PPM1G: variants seen among roughly 807,000 people sequenced by gnomAD.
PPM1G encodes protein phosphatase 1G.
In PPM1G, 12 loss-of-function variants were observed where a neutral mutation model predicts 59.4. That is an observed-to-expected ratio of 0.20 (90% confidence interval 0.13 to 0.33). PPM1G has a LOEUF of 0.33. PPM1G is among the 10% of genes least tolerant of loss of function. The probability of loss-of-function intolerance (pLI) is 1.00; values close to 1 mark genes in which losing one functional copy is unlikely to be tolerated. For missense variants in PPM1G, 392 were observed against 681.3 expected (o/e 0.58, Z 4.73); for synonymous variants, 245 against 251.9 (o/e 0.97, Z 0.26).
chr2:27,394,562 C>A (rs746845955), intron 1 of PPM1G, among the ~76,000 whole-genome samples: 19 of 151,826 alleles, frequency 1.3e-4, no homozygotes, highest in Non-Finnish European at 2.5e-4. Context: ...AACCCCATCT[C>A]TACTAAAAAT....
chr2:27,409,227 G>T (rs552143391), intron 1 of PPM1G, 76 bp downstream of exon 1: 5 of 1,490,226 alleles, frequency 3.4e-6, no homozygotes, highest in Non-Finnish European at 2.7e-6. Context: ...CCCAGGGGAG[G>T]ACCCCATCCC....
intron 1 of PPM1G, among the ~76,000 whole-genome samples, chr2:27,407,201 G>A (rs1663402717): frequency 6.6e-6 from 1 of 151,902 alleles, no homozygotes; most frequent in Non-Finnish European, 1.5e-5. Context: ...CCTAAGCTCA[G>A]GCAATCCGCC....
intron 1 of PPM1G, among the ~76,000 whole-genome samples, chr2:27,394,139 C>T (rs1237158226): frequency 3.9e-5 from 6 of 151,958 alleles, no homozygotes; most frequent in African/African-American, 1.2e-4. Context: ...TCAGGTGATC[C>T]GCCTGCCTCG....
chr2:27,393,136 C>T (rs1490736529), intron 1 of PPM1G: 1 of 1,372,798 alleles, frequency 7.3e-7, no homozygotes, highest in Non-Finnish European at 1.0e-6. Flanking sequence ...ATTCGGCCAC[C>T]TCGTTGGTTC....
chr2:27,382,646 CCA>C lies in PPM1G; in HGVS notation c.1202-43_1202-42del. 6.2e-7 allele frequency: 1 copy of C among 1,611,480 alleles called. No homozygotes were observed. Among genetic ancestry groups the C allele is most frequent in the South Asian group, 1.1e-5 (1 of 90,834 alleles). On this transcript the variant is annotated intron_variant, in intron 7 of 9. Coordinates refer to ENST00000344034, the MANE Select transcript of PPM1G (RefSeq NM_177983.3). This position sits in a 1 kb window ranked among gnomAD's most constrained non-coding sequence, Gnocchi z 4.2. ...GGTTGATGAGCAGTTTGGATACTTCCCACAGACTTGTGTTTGTGGCAGGTCAA... is the reference window on the plus strand; with the variant it reads ...GGTTGATGAGCAGTTTGGATACTTCCCAGACTTGTGTTTGTGGCAGGTCAA...
At chr2:27,397,426 A>C (rs1460090241) in intron 1 of PPM1G, among the ~76,000 whole-genome samples, 2 of 152,188 alleles carry the variant, frequency 1.3e-5, no homozygotes, top group Non-Finnish European at 2.9e-5. Context: ...ATATAGACAC[A>C]AAAATCCTCA....
Position 27,382,455 on chromosome 2 carries a change from G to A in PPM1G, c.1331+21C>T, listed in dbSNP as rs1683656889. ...GACATGCTGCAGAAAGGGGAATTTAGGGCATTCTGCCAGTGCTCACCAGAT... is the reference window on the plus strand; with the variant it reads ...GACATGCTGCAGAAAGGGGAATTTAAGGCATTCTGCCAGTGCTCACCAGAT... On this transcript the variant is annotated intron_variant, in intron 8 of 9. Transcript: ENST00000344034. The surrounding 1 kb of genome is among the most constrained non-coding windows in gnomAD (Gnocchi z 4.2). 1 of 1,613,488 alleles carries A rather than the reference G, an allele frequency of 6.2e-7. No homozygotes were observed. Among genetic ancestry groups the A allele is most frequent in the Non-Finnish European group, 8.5e-7 (1 of 1,179,832 alleles).
chr2:27,389,928 A>T (rs756743910), intron 1 of PPM1G, among the ~76,000 whole-genome samples: 1 of 152,186 alleles, frequency 6.6e-6, no homozygotes, highest in Non-Finnish European at 1.5e-5. Context: ...ATGATGCACC[A>T]CTGCACTCCA....
chr2:27,408,285 G>A (rs1024304021), intron 1 of PPM1G, among the ~76,000 whole-genome samples: 19 of 152,152 alleles, frequency 1.2e-4, no homozygotes, highest in African/African-American at 4.3e-4. Flanking sequence ...AAGCCCACCC[G>A]GTAGGTGGAG....
At chr2:27,392,425 G>C (rs2148422239) in intron 1 of PPM1G, among the ~76,000 whole-genome samples, 1 of 151,122 alleles carries the variant, frequency 6.6e-6, no homozygotes, top group African/African-American at 2.4e-5. Context: ...CTCCCAAGTA[G>C]CCGGGATTAC....
chr2:27,393,725 C>G (rs1004538501), intron 1 of PPM1G, among the ~76,000 whole-genome samples: 1 of 152,036 alleles, frequency 6.6e-6, no homozygotes, highest in Non-Finnish European at 1.5e-5. Flanking sequence ...GCTGGGAGTA[C>G]AGGTGCGTGC....
chr2:27,402,989 T>G (rs548769844), intron 1 of PPM1G, among the ~76,000 whole-genome samples: 100 of 151,282 alleles, frequency 6.6e-4, no homozygotes, highest in Non-Finnish European at 1.2e-3. Flanking sequence ...GAAGACCCCT[T>G]GAGCCCAGAA....
At chr2:27,386,020 A>G in intron 3 of PPM1G, 141 bp from the exon 4 acceptor site, 2 of 1,270,650 alleles carry the variant, frequency 1.6e-6, no homozygotes, top group Non-Finnish European at 2.2e-6. Flanking sequence ...TCAGAGGCCT[A>G]GGAATAATAA....
intron 1 of PPM1G, among the ~76,000 whole-genome samples, chr2:27,396,957 C>T (rs1055250563): frequency 2.6e-5 from 4 of 152,082 alleles, no homozygotes. Context: ...GCAACCTCTG[C>T]CTCCGTGGTT....
chr2:27,409,384 G>A lies in PPM1G; in HGVS notation c.39C>T (p.Cys13=), dbSNP rs773425646. Residue 13 remains cysteine, a synonymous_variant, in exon 1 of 10, where the codon TGC becomes TGT. Coordinates refer to ENST00000344034, the MANE Select transcript of PPM1G (RefSeq NM_177983.3). ...AYLSQPNTVK[C]SGDGVGAPRL... ...GCGGGGCGCCGACCCCGTCCCCGGA[G>A]CACTTCACCGTGTTGGGCTGGGAGA... is the stretch of plus-strand genomic sequence containing the variant. 31 of 1,540,640 alleles carry A rather than the reference G, an allele frequency of 2.0e-5. No individual in the cohort carries two copies. The highest frequency in any genetic ancestry group is 1.4e-5 in the Non-Finnish European group (16 of 1,142,954).
intron 2 of PPM1G, 165 bp downstream of exon 2, chr2:27,386,924 C>T (rs1289353780): frequency 1.7e-6 from 1 of 602,308 alleles, no homozygotes; most frequent in Non-Finnish European, 3.0e-6. Context: ...CAATACAGTA[C>T]CTACTGGGAA....
In PPM1G at chr2:27,385,529, T is replaced by C. The variant is rs1683742218; in HGVS notation, c.409+218A>G. 5.2e-6 allele frequency: 3 copies of C among 573,382 alleles called. No individual in the cohort carries two copies. The South Asian group carries it at 8.2e-5, about 16-fold the overall frequency. The allele number at this position is 573,382 out of a possible 1,614,324, so 35.5% of individuals were successfully genotyped here. ...ACCCCATCACAATGACAAAAGATAATGTATATACAATGCTTACAGCTCAGA... is the reference window on the plus strand; with the variant it reads ...ACCCCATCACAATGACAAAAGATAACGTATATACAATGCTTACAGCTCAGA... On this transcript the variant is annotated intron_variant, in intron 4 of 9. Coordinates refer to ENST00000344034, the MANE Select transcript of PPM1G (RefSeq NM_177983.3). This position sits in a 1 kb window ranked among gnomAD's most constrained non-coding sequence, Gnocchi z 4.1.
chr2:27,381,707 T>C lies in PPM1G; in HGVS notation c.1533A>G (p.Ala511=), dbSNP rs1683635601. Residue 511 remains alanine (A), a synonymous_variant, in exon 10 of 10, where the codon GCA becomes GCG. Transcript: ENST00000344034. ...IIICFKPRNT[A]ELQPESGKRK... ...GCTTGCCACTCTCTGGCTGGAGCTC[T>C]GCTGTGTTTCGGGGCTTGAAGCAAA... is the stretch of plus-strand genomic sequence containing the variant. 6.8e-6 allele frequency: 11 copies of C among 1,614,080 alleles called. No individual in the cohort carries two copies. The highest frequency in any genetic ancestry group is 9.3e-6 in the Non-Finnish European group (11 of 1,180,022).
intron 2 of PPM1G, chr2:27,386,886 T>G (rs1367348133): frequency 2.2e-6 from 1 of 451,906 alleles, no homozygotes; most frequent in African/African-American, 2.0e-5. Context: ...CTCTTTGGAT[T>G]AAAACAAGTC....
Sources: gnomAD v4.1 joint callset for allele counts (sites outside exome capture counted in the v4.1 genomes callset) on GRCh38, gnomAD v4.1.1 for gene constraint, Gnocchi (gnomAD v3.1) non-coding constraint, MANE v1.5 for transcripts, NCBI Gene and HGNC (gene_info 2026-07-23, HGNC 2026-07-21) for gene names.